Variants in TNRC6A observed in about 807,000 individuals in gnomAD.
TNRC6A encodes trinucleotide repeat containing adaptor 6A.
In TNRC6A, 44 loss-of-function variants were observed where a neutral mutation model predicts 221.2. That is an observed-to-expected ratio of 0.20 (90% confidence interval 0.16 to 0.26). The LOEUF (loss-of-function observed/expected upper bound fraction) is 0.26. Ranked by LOEUF, TNRC6A falls within the 10% of genes least tolerant of loss-of-function variation. The pLI is 1.00. For synonymous variants in TNRC6A, 847 were observed against 838.5 expected, an observed-to-expected ratio of 1.01 and a Z score of -0.18; for missense variants, 2,199 against 2,404.4, an observed-to-expected ratio of 0.91 and a Z score of 1.79.
At chr16:24,648,667 G>A (rs1417955843) in intron 2 of TNRC6A, among the ~76,000 whole-genome samples, 1 of 152,134 alleles carries the variant, frequency 6.6e-6, no homozygotes, top group Non-Finnish European at 1.5e-5. Flanking sequence ...GTGCCGTTTT[G>A]TTTTGTTGGT....
rs1275785140 is a variant in TNRC6A, at chr16:24,777,023, C to T, written c.254C>T (p.Ala85Val). ...TSTATSTNNNAKRATANNQQP... is the reference protein window; with the variant it reads ...TSTATSTNNNVKRATANNQQP... ...ACAGCAACCAGCACTAATAATAATGCCAAGCGAGCTACAGCCAACAATCAG... is the reference window on the plus strand; with the variant it reads ...ACAGCAACCAGCACTAATAATAATGTCAAGCGAGCTACAGCCAACAATCAG... Residue 85 changes from alanine to valine, a missense_variant, in exon 5 of 25, where the codon GCC becomes GTC. Physicochemically the swap from Ala to Val is moderately conservative, Grantham distance 64. This residue lies in a region of TNRC6A where 1,405 missense variants were observed against 1,400.2 expected (regional missense o/e 1.00). Coordinates refer to ENST00000395799, the MANE Select transcript of TNRC6A (RefSeq NM_014494.4). 5 of 1,613,940 alleles carry T rather than the reference C, an allele frequency of 3.1e-6. No individual in the cohort carries two copies. Among genetic ancestry groups the T allele is most frequent in the Admixed American group, 1.7e-5 (1 of 59,982 alleles).
chr16:24,774,340 T>A (rs1182459454), intron 4 of TNRC6A, among the ~76,000 whole-genome samples: 3 of 152,216 alleles, frequency 2.0e-5, no homozygotes, highest in Non-Finnish European at 4.4e-5. Flanking sequence ...TGTCTTGATG[T>A]CTTTACTGGT....
At chr16:24,779,040 G>A (rs2057784855) in intron 5 of TNRC6A, among the ~76,000 whole-genome samples, 1 of 152,158 alleles carries the variant, frequency 6.6e-6, no homozygotes, top group African/African-American at 2.4e-5. Context: ...AAGAGAACCT[G>A]TTTTTGGATG....
Position 24,750,771 on chromosome 16 carries a change from GA to G in TNRC6A, c.105del (p.Asp36ThrfsTer24). On this transcript the variant is annotated frameshift_variant, in exon 3 of 25. Coordinates refer to ENST00000395799, the MANE Select transcript of TNRC6A (RefSeq NM_014494.4). LOFTEE classifies it high-confidence loss of function. ...EEQLMEEKKK[K>X]KDDKKKKEAA... is the part of the protein sequence containing the mutation. ...AACAGTTGATGGAAGAAAAGAAAAA[GA>G]AAAAAGACGACAAGAAAAAGAAGGA... 3 of 1,565,374 alleles carry G rather than the reference GA, an allele frequency of 1.9e-6. No homozygotes were observed. Among genetic ancestry groups the G allele is most frequent in the South Asian group, 2.5e-5 (2 of 80,826 alleles).
chr16:24,724,520 C>T (rs749367542), intron 2 of TNRC6A, among the ~76,000 whole-genome samples: 3 of 152,038 alleles, frequency 2.0e-5, no homozygotes, highest in Non-Finnish European at 4.4e-5. Context: ...CCGAGGCAGG[C>T]GGATCACCTG....
At chr16:24,822,263 A>G (rs2058780982) in intron 23 of TNRC6A, 116 bp downstream of exon 23, 1 of 981,696 alleles carries the variant, frequency 1.0e-6, no homozygotes, top group African/African-American at 1.6e-5. Flanking sequence ...AGCAGAGGAA[A>G]CAGCAGAGGA....
intron 2 of TNRC6A, among the ~76,000 whole-genome samples, chr16:24,745,795 T>TTCCCCC (rs2056994145): frequency 8.4e-6 from 1 of 118,524 alleles, no homozygotes; most frequent in Non-Finnish European, 1.7e-5. Context: ...GTATGTACCA[T>TTCCCCC]CCCCCCCCCC....
rs756268104 is a variant in TNRC6A at position 24,791,629 on chromosome 16, G to A, written c.2987G>A (p.Arg996His). ...GAGGAACCATCCCCAGAATCTATAC[G>A]TCGCAAAATGGAGATTGATGATGGA... ...GWEEPSPESIRRKMEIDDGTS... is the reference protein window; with the variant it reads ...GWEEPSPESIHRKMEIDDGTS... The change falls in exon 6 of 25, where the codon CGT (arginine) becomes CAT (histidine). Residue 996 changes from arginine (R) to histidine (H), a missense_variant. Around this residue, in one of 8 missense-constraint regions of TNRC6A, gnomAD observed 1,405 missense variants for 1,400.2 expected, o/e 1.00. Coordinates refer to ENST00000395799, the MANE Select transcript of TNRC6A (RefSeq NM_014494.4). The A allele has an allele frequency of 1.7e-5, 28 of 1,611,008 alleles. No homozygotes were observed. The highest frequency in any genetic ancestry group is 5.5e-5 in the South Asian group (5 of 90,326).
Position 24,781,043 on chromosome 16 carries a change from C to CTTTTTTTTT in TNRC6A, c.589+3702_589+3710dup, listed in dbSNP as rs35502747. Among the ~76,000 whole-genome samples the CTTTTTTTTT allele has an allele frequency of 7.1e-3, 381 of 53,418 alleles. 49 individuals carry two copies. The highest frequency in any genetic ancestry group is 0.065 in the East Asian group (91 of 1,398). 35.0% of individuals were successfully genotyped at this position (53,418 alleles called of 152,430 possible). On this transcript the variant is annotated intron_variant, in intron 5 of 24. Transcript: ENST00000395799. ...AAAAATTTTCTTAAGCCTCCATACT[C>CTTTTTTTTT]TTTTTTTTTTTTTTTTTTTTTTTTT...
chr16:24,702,033 T>C (rs148038029), intron 2 of TNRC6A, among the ~76,000 whole-genome samples: 61 of 151,762 alleles, frequency 4.0e-4, no homozygotes, highest in African/African-American at 1.4e-3. Context: ...TGCCTCCTCT[T>C]CTATATGCAG....
chr16:24,739,905 G>C (rs917478577), intron 2 of TNRC6A, among the ~76,000 whole-genome samples: 1 of 152,120 alleles, frequency 6.6e-6, no homozygotes, highest in African/African-American at 2.4e-5. Flanking sequence ...AGATTTACTT[G>C]TATTCTAATA....
At chr16:24,760,136 T>G (rs1449799439) in intron 4 of TNRC6A, among the ~76,000 whole-genome samples, 1 of 151,616 alleles carries the variant, frequency 6.6e-6, no homozygotes, top group African/African-American at 2.4e-5. Flanking sequence ...ATGTTCATTC[T>G]TGTTTCTTTT....
At chr16:24,773,878 T>G (rs2057665376) in intron 4 of TNRC6A, among the ~76,000 whole-genome samples, 1 of 152,118 alleles carries the variant, frequency 6.6e-6, no homozygotes. Context: ...TTTTTAACCT[T>G]GCTGCATTGT....
intron 1 of TNRC6A, among the ~76,000 whole-genome samples, chr16:24,638,674 T>C (rs1244970559): frequency 1.3e-5 from 2 of 151,378 alleles, no homozygotes; most frequent in African/African-American, 4.9e-5. Context: ...GACCGCACCA[T>C]TGCACTCCAG....
At chr16:24,679,721 C>A (rs567904852) in intron 2 of TNRC6A, among the ~76,000 whole-genome samples, 1 of 152,156 alleles carries the variant, frequency 6.6e-6, no homozygotes, top group African/African-American at 2.4e-5. Flanking sequence ...AGGCAATCCA[C>A]CCGCCTCGGC....
chr16:24,812,019 A>ATTTTTTTTTTGTTTTTTT (rs2058554295), intron 18 of TNRC6A, among the ~76,000 whole-genome samples: 1 of 40,818 alleles, frequency 2.4e-5, no homozygotes. Context: ...TCACTTTGGG[A>ATTTTTTTTTTGTTTTTTT]TTTTTTTTTT....
At chr16:24,671,531 G>A (rs1044736998) in intron 2 of TNRC6A, among the ~76,000 whole-genome samples, 5 of 152,210 alleles carry the variant, frequency 3.3e-5, no homozygotes, top group Non-Finnish European at 7.3e-5. Flanking sequence ...CGCTGTGCAG[G>A]CACTATGCCC....
chr16:24,679,679 G>A lies in TNRC6A; in HGVS notation n.402+38670G>A, dbSNP rs747880141. Among the ~76,000 whole-genome samples the A allele has an allele frequency of 3.3e-5, 5 of 152,054 alleles. No homozygotes were observed. In the South Asian group the frequency reaches 6.2e-4, roughly 19 times the overall value. On this transcript the variant is annotated intron_variant and non_coding_transcript_variant, in intron 2 of 2. Coordinates refer to the TNRC6A transcript ENST00000566108. Reference sequence around the variant, plus strand: ...TTTAATAGAGACAAGGTTTTACCACGTTGCCCAGGCTGGTCTCGAACTCCT... The same window carrying A: ...TTTAATAGAGACAAGGTTTTACCACATTGCCCAGGCTGGTCTCGAACTCCT...
intron 11 of TNRC6A, among the ~76,000 whole-genome samples, chr16:24,798,931 A>AC (rs1022199857): frequency 3.5e-4 from 53 of 152,232 alleles, no homozygotes; most frequent in Admixed American, 2.9e-3. Flanking sequence ...CCAAGAAAGA[A>AC]CCCCCTTCCT....
Sources: gnomAD v4.1 joint callset for allele counts (sites outside exome capture counted in the v4.1 genomes callset) on GRCh38, gnomAD v4.1.1 for gene constraint, gnomAD v4.1.1 regional missense constraint, MANE v1.5 for transcripts, NCBI Gene and HGNC (gene_info 2026-07-23, HGNC 2026-07-21) for gene names.